ZSCAN25: variants seen among roughly 807,000 people sequenced by gnomAD.
The protein encoded by ZSCAN25 is zinc finger and SCAN domain containing 25, also known as zinc finger and SCAN domain-containing protein 25.
ZSCAN25 carries 27 observed loss-of-function variants against 38.7 expected under a neutral mutation model. That is an observed-to-expected ratio of 0.70 (90% CI 0.51 to 0.96). The LOEUF (loss-of-function observed/expected upper bound fraction) is 0.96, where lower values mean the gene tolerates loss of function less well. Ranked by LOEUF, ZSCAN25 falls within the 40% of genes least tolerant of loss-of-function variation. The pLI, the probability that ZSCAN25 is intolerant of heterozygous loss-of-function variation, is 0.00. For synonymous variants in ZSCAN25, 273 were observed against 277.7 expected, an observed-to-expected ratio of 0.98 and a Z score of 0.17; for missense variants, 637 against 705.9, an observed-to-expected ratio of 0.90 and a Z score of 1.11.
At chr7:99,726,632 A>G in the ZSCAN25 span, among the ~76,000 whole-genome samples, 1 of 152,160 alleles carries the variant, frequency 6.6e-6, no homozygotes. Context: ...TACTGCCACA[A>G]GGCTTCTGGG....
At chr7:99,622,270 A>G (rs1187241204) in intron 5 of ZSCAN25, 3 of 465,156 alleles carry the variant, frequency 6.4e-6, no homozygotes, top group Non-Finnish European at 1.2e-5. Context: ...GGTTATTCCC[A>G]GAGTGTGACT....
At chr7:99,736,048 G>C in the ZSCAN25 span, among the ~76,000 whole-genome samples, 1 of 152,236 alleles carries the variant, frequency 6.6e-6, no homozygotes, top group Non-Finnish European at 1.5e-5. Context: ...CTAAAAAAGA[G>C]ACATGGCATG....
chr7:99,669,267 G>A, the ZSCAN25 span, among the ~76,000 whole-genome samples: 486 of 152,228 alleles, frequency 3.2e-3, 1 homozygote, highest in African/African-American at 0.011. Context: ...ACAATTTGAA[G>A]AGGCATTATA....
the ZSCAN25 span, among the ~76,000 whole-genome samples, chr7:99,649,346 C>T: frequency 6.6e-6 from 1 of 152,170 alleles, no homozygotes; most frequent in African/African-American, 2.4e-5. Flanking sequence ...ATACACCGGT[C>T]CTGGAAATAA....
chr7:99,619,459 G>A, intron 3 of ZSCAN25, 102 bp from the exon 4 acceptor site: 2 of 942,338 alleles, frequency 2.1e-6, no homozygotes, highest in Non-Finnish European at 3.1e-6. Flanking sequence ...TTTTGAAAAT[G>A]CCTTGTAAAA....
the ZSCAN25 span, among the ~76,000 whole-genome samples, chr7:99,688,077 G>A: frequency 6.6e-6 from 1 of 152,122 alleles, no homozygotes; most frequent in Non-Finnish European, 1.5e-5. Context: ...ATGCCAAAAG[G>A]TAAAGACCAT....
the ZSCAN25 span, chr7:99,638,154 G>C: frequency 8.2e-7 from 1 of 1,221,400 alleles, no homozygotes; most frequent in Non-Finnish European, 1.1e-6. Context: ...AAAGAAAAGT[G>C]GCAATTGAAA....
chr7:99,699,903 G>T, the ZSCAN25 span: 12 of 1,076,692 alleles, frequency 1.1e-5, no homozygotes, highest in East Asian at 2.4e-4. Flanking sequence ...GAGGGAACAG[G>T]GGCCTGAGTA....
intron 7 of ZSCAN25, chr7:99,624,452 A>G: frequency 2.2e-6 from 1 of 447,462 alleles, no homozygotes. Flanking sequence ...TGTGTCCATG[A>G]TTAAAGACAC....
intron 4 of ZSCAN25, chr7:99,620,310 C>G (rs775716420): frequency 3.4e-6 from 1 of 296,852 alleles, no homozygotes; most frequent in Non-Finnish European, 6.3e-6. Context: ...ATAGACCTGA[C>G]CCTGCTTTGG....
At chr7:99,724,563 C>T in the ZSCAN25 span, among the ~76,000 whole-genome samples, 9 of 152,054 alleles carry the variant, frequency 5.9e-5, no homozygotes, top group African/African-American at 2.2e-4. Flanking sequence ...CTCCCCTCCC[C>T]ACCAGGCTGC....
At chr7:99,637,016 A>T (rs1352931976), downstream of ZSCAN25, among the ~76,000 whole-genome samples, 1 of 152,210 alleles carries the variant, frequency 6.6e-6, no homozygotes, top group Non-Finnish European at 1.5e-5. Flanking sequence ...TATTATTTGC[A>T]TGAGTTAATC....
the ZSCAN25 span, chr7:99,663,392 G>C: frequency 2.2e-5 from 22 of 991,254 alleles, no homozygotes; most frequent in African/African-American, 3.8e-4. Flanking sequence ...CTGTCTCCCT[G>C]ACCTGCAGAC....
chr7:99,700,631 T>G, the ZSCAN25 span, among the ~76,000 whole-genome samples: 4 of 152,190 alleles, frequency 2.6e-5, no homozygotes, highest in Non-Finnish European at 5.9e-5. Context: ...TCCTATTTCC[T>G]CTCTACCACC....
chr7:99,671,902 G>A, the ZSCAN25 span: 1 of 701,170 alleles, frequency 1.4e-6, no homozygotes, highest in Non-Finnish European at 2.6e-6. Flanking sequence ...AAATTGCTTA[G>A]AACTACCCAC....
chr7:99,649,216 TG>T, the ZSCAN25 span, among the ~76,000 whole-genome samples: 1 of 152,162 alleles, frequency 6.6e-6, no homozygotes, highest in African/African-American at 2.4e-5. Flanking sequence ...GCCCCCTGCC[TG>T]AATACACACA....
the ZSCAN25 span, among the ~76,000 whole-genome samples, chr7:99,665,520 G>GCT: frequency 6.6e-6 from 1 of 152,192 alleles, no homozygotes; most frequent in Non-Finnish European, 1.5e-5. Flanking sequence ...TGGGGGTGAT[G>GCT]GAGACACCAA....
chr7:99,667,065 A>G, the ZSCAN25 span: 7 of 1,612,020 alleles, frequency 4.3e-6, no homozygotes, highest in South Asian at 7.7e-5. Context: ...GGGCCTAAAG[A>G]CTAGAGTTCA....
At chr7:99,664,336 A>G in the ZSCAN25 span, among the ~76,000 whole-genome samples, 8 of 152,342 alleles carry the variant, frequency 5.3e-5, no homozygotes, top group Admixed American at 5.2e-4. Context: ...TGGAGTGACC[A>G]AAGTAATAGA....
Sources: allele counts gnomAD v4.1 joint callset (sites outside exome capture counted in the v4.1 genomes callset), GRCh38; gene constraint gnomAD v4.1.1; transcripts MANE v1.5; gene names NCBI Gene and HGNC (gene_info 2026-07-23, HGNC 2026-07-21).